ZC3H14: variants seen among roughly 807,000 people sequenced by gnomAD.
ZC3H14 encodes the protein zinc finger CCCH-type containing 14, also known as zinc finger CCCH domain-containing protein 14.
In ZC3H14, 31 loss-of-function variants were observed where a neutral mutation model predicts 92.4. The observed-to-expected ratio is 0.34, with a 90% CI of 0.25 to 0.45. The LOEUF (loss-of-function observed/expected upper bound fraction) is 0.45. Among genes scored for constraint, ZC3H14 ranks in the 20% least tolerant of loss-of-function variants. ZC3H14 has a pLI of 1.00. For synonymous variants in ZC3H14, 321 were observed against 300.9 expected, an observed-to-expected ratio of 1.07 and a Z score of -0.69; for missense variants, 781 against 897.3, an observed-to-expected ratio of 0.87 and a Z score of 1.66.
In ZC3H14 at chr14:88,619,755, C is replaced by G. The variant is rs1462081265; in HGVS notation, c.*8004C>G. On this transcript the variant is annotated 3_prime_UTR_variant, in exon 17 of 17. Transcript: ENST00000251038. ...GAGTGCGATGGCGCAACCTCCGCCTCCCGGGTTCAAGCGATTCTCCTGTTT... is the reference window on the plus strand; with the variant it reads ...GAGTGCGATGGCGCAACCTCCGCCTGCCGGGTTCAAGCGATTCTCCTGTTT... 6.6e-6 allele frequency: 1 copy of G among 152,178 alleles called. No individual in the cohort carries two copies. Among genetic ancestry groups the G allele is most frequent in the Non-Finnish European group, 1.5e-5 (1 of 68,054 alleles). 9.4% of individuals were successfully genotyped at this position (152,178 alleles called of 1,614,324 possible).
chr14:88,607,304 C>T lies in ZC3H14; in HGVS notation c.1809C>T (p.Tyr603=), dbSNP rs756489140. 3.1e-6 allele frequency: 5 copies of T among 1,613,978 alleles called. No homozygotes were observed. Among genetic ancestry groups the T allele is most frequent in the Non-Finnish European group, 4.2e-6 (5 of 1,179,968 alleles). ...AAAAACTTTTGGAGCGCTGCAAGTA[C>T]TGGCCTGCTTGTAAAAATGGGGATG... ...KPEKLLERCK[Y]WPACKNGDEC... The change falls in exon 13 of 17, where the codon TAC becomes TAT. Residue 603 remains tyrosine, a synonymous_variant. Coordinates refer to ENST00000251038, the MANE Select transcript of ZC3H14 (RefSeq NM_024824.5).
intron 4 of ZC3H14, among the ~76,000 whole-genome samples, chr14:88,571,790 T>C (rs2080433345): frequency 6.6e-6 from 1 of 151,844 alleles, no homozygotes; most frequent in African/African-American, 2.4e-5. Context: ...ATGGTGAATC[T>C]CCGTCTCTAC....
intron 2 of ZC3H14, among the ~76,000 whole-genome samples, chr14:88,567,010 T>G (rs2079734793): frequency 6.6e-6 from 1 of 152,050 alleles, no homozygotes; most frequent in Admixed American, 6.5e-5. Flanking sequence ...CTTATCTTCT[T>G]AGTGAGGTTT....
chr14:88,563,266 C>T lies in ZC3H14; in HGVS notation c.36+97C>T, dbSNP rs1166954918. 4 of 1,542,892 alleles carry T rather than the reference C, an allele frequency of 2.6e-6. No homozygotes were observed. In the Admixed American group the frequency reaches 5.9e-5, roughly 23 times the overall value. Reference sequence around the variant, plus strand: ...CTGTGGGCCCGGGTGGACGCCGCGGCCTGGCCTCCGCTGGACGCTCCTGGC... The same window carrying T: ...CTGTGGGCCCGGGTGGACGCCGCGGTCTGGCCTCCGCTGGACGCTCCTGGC... On this transcript the variant is annotated intron_variant, in intron 1 of 16. Coordinates refer to ENST00000251038, the MANE Select transcript of ZC3H14 (RefSeq NM_024824.5).
chr14:88,624,910 C>G lies in ZC3H14; in HGVS notation c.*13159C>G. The G allele has an allele frequency of 6.3e-7, 1 of 1,577,562 alleles. No homozygotes were observed. On this transcript the variant is annotated 3_prime_UTR_variant, in exon 17 of 17. Transcript: ENST00000251038. ...GCCTAGAAACAACTAGAATAATTAA[C>G]TGCAAACCTCAGGTAGGTCACAAAT... is the stretch of plus-strand genomic sequence containing the variant.
At position 88,568,136 on chromosome 14, in the gene ZC3H14, A is replaced by G. The variant is rs1486381370; in HGVS notation, c.177A>G (p.Thr59=). 3 of 1,614,050 alleles carry G rather than the reference A, an allele frequency of 1.9e-6. No homozygotes were observed. The highest frequency in any genetic ancestry group is 2.5e-6 in the Non-Finnish European group (3 of 1,179,914). The change falls in exon 3 of 17, where the codon ACA becomes ACG. Residue 59 remains threonine (T), a synonymous_variant. Coordinates refer to ENST00000251038, the MANE Select transcript of ZC3H14 (RefSeq NM_024824.5). ...TGTCCCTGTTTCTAGGGAACAACAC[A>G]ATTCGATTCACCGTATGGTATGTTT... ...EDLSLFLGNN[T]IRFTVWLHGV...
chr14:88,621,103 CT>C lies in ZC3H14; in HGVS notation c.*9353del, dbSNP rs765799882. 5 of 1,606,640 alleles carry C rather than the reference CT, an allele frequency of 3.1e-6. No homozygotes were observed. In the African/African-American group the frequency reaches 5.4e-5, roughly 17 times the overall value. The stretch of plus-strand genomic sequence containing the variant: ...TTGTAACCTCTTTTAAAAAAATTAT[CT>C]GTACTTACTTTATCAGCAATATCCC... On this transcript the variant is annotated 3_prime_UTR_variant, in exon 17 of 17. Transcript: ENST00000251038.
intron 11 of ZC3H14, among the ~76,000 whole-genome samples, chr14:88,602,356 C>A (rs756177797): frequency 6.6e-6 from 1 of 152,112 alleles, no homozygotes; most frequent in Non-Finnish European, 1.5e-5. Flanking sequence ...TCAGGAAATG[C>A]AAGTTTAAAA....
chr14:88,563,817 A>G (rs1278291820), intron 2 of ZC3H14, 124 bp downstream of exon 2: 1 of 920,140 alleles, frequency 1.1e-6, no homozygotes, highest in Non-Finnish European at 1.8e-6. Context: ...CCTTCTTCAA[A>G]TCTTATACTC....
chr14:88,621,208 C>G lies in ZC3H14; in HGVS notation c.*9457C>G. On this transcript the variant is annotated 3_prime_UTR_variant, in exon 17 of 17. Coordinates refer to ENST00000251038, the MANE Select transcript of ZC3H14 (RefSeq NM_024824.5). ...TGTGTTGCTAGTCCCCAGATTGGCC[C>G]ATCCACATGACCGTTAACTAAAATA... 9 of 1,613,922 alleles carry G rather than the reference C, an allele frequency of 5.6e-6. No individual in the cohort carries two copies. The highest frequency in any genetic ancestry group is 7.6e-6 in the Non-Finnish European group (9 of 1,179,882).
At chr14:88,606,779 CAT>C (rs1247142481) in intron 12 of ZC3H14, among the ~76,000 whole-genome samples, 1 of 144,250 alleles carries the variant, frequency 6.9e-6, no homozygotes, top group Non-Finnish European at 1.5e-5. Context: ...AAGTAAAAGA[CAT>C]TGCTGAGTTT....
At chr14:88,584,315 G>A in intron 9 of ZC3H14, among the ~76,000 whole-genome samples, 1 of 152,154 alleles carries the variant, frequency 6.6e-6, no homozygotes, top group Non-Finnish European at 1.5e-5. Flanking sequence ...GAAAAAACTT[G>A]TAGATAAACT....
At position 88,615,866 on chromosome 14, in the gene ZC3H14, G is replaced by A; in HGVS notation, c.*4115G>A. 5 of 1,609,300 alleles carry A rather than the reference G, an allele frequency of 3.1e-6. No individual in the cohort carries two copies. The highest frequency in any genetic ancestry group is 1.1e-5 in the South Asian group (1 of 89,802). On this transcript the variant is annotated 3_prime_UTR_variant, in exon 17 of 17. Coordinates refer to ENST00000251038, the MANE Select transcript of ZC3H14 (RefSeq NM_024824.5). Reference sequence around the variant, plus strand: ...TCCAGACAAATAAGCTGCAATCAGAGAAGAAAATTGCAGGGAGTTAATTAT... The same window carrying A: ...TCCAGACAAATAAGCTGCAATCAGAAAAGAAAATTGCAGGGAGTTAATTAT...
chr14:88,602,488 G>A (rs529125184), intron 11 of ZC3H14, among the ~76,000 whole-genome samples: 1 of 152,168 alleles, frequency 6.6e-6, no homozygotes, highest in Admixed American at 6.5e-5. Context: ...TAGCATAAAT[G>A]CTGCTGGCCC....
At position 88,624,737 on chromosome 14, in the gene ZC3H14, C is replaced by T; in HGVS notation, c.*12986C>T. The T allele has an allele frequency of 2.1e-6, 1 of 482,960 alleles. No homozygotes were observed. The highest frequency in any genetic ancestry group is 3.7e-6 in the Non-Finnish European group (1 of 273,360). 29.9% of individuals were successfully genotyped at this position (482,960 alleles called of 1,614,324 possible). On this transcript the variant is annotated 3_prime_UTR_variant, in exon 17 of 17. Coordinates refer to ENST00000251038, the MANE Select transcript of ZC3H14 (RefSeq NM_024824.5). Reference sequence around the variant, plus strand: ...AGTAACTCAACTTGTAGGACAACTACCTATCCACACCTCAGAAAAAGTATC... The same window carrying T: ...AGTAACTCAACTTGTAGGACAACTATCTATCCACACCTCAGAAAAAGTATC...
At position 88,622,662 on chromosome 14, in the gene ZC3H14, G is replaced by T. The variant is rs1381537630; in HGVS notation, c.*10911G>T. The T allele has an allele frequency of 6.2e-7, 1 of 1,610,978 alleles. No individual in the cohort carries two copies. On this transcript the variant is annotated 3_prime_UTR_variant, in exon 17 of 17. Coordinates refer to ENST00000251038, the MANE Select transcript of ZC3H14 (RefSeq NM_024824.5). ...GGCTTGTCCTGTCTCAAGCCTGAAG[G>T]CACGGCACCGCCTCAGTTCCTGATC... is the stretch of plus-strand genomic sequence containing the variant.
chr14:88,609,657 TAAAA>T, intron 14 of ZC3H14, 51 bp from the exon 15 acceptor site: 1 of 1,599,390 alleles, frequency 6.3e-7, no homozygotes, highest in Non-Finnish European at 8.6e-7. Context: ...TAGACTGCAT[TAAAA>T]ATGGGTTTTC....
Position 88,620,845 on chromosome 14 carries a change from T to C in ZC3H14, c.*9094T>C. On this transcript the variant is annotated 3_prime_UTR_variant, in exon 17 of 17. Coordinates refer to ENST00000251038, the MANE Select transcript of ZC3H14 (RefSeq NM_024824.5). This position sits in a 1 kb window ranked among gnomAD's most constrained non-coding sequence, Gnocchi z 4.3. ...AAAATGATAAATTCTCCATTTTTCA[T>C]TCCAATAGCCACCATGTCCCCTTCA... 1 of 1,595,862 alleles carries C rather than the reference T, an allele frequency of 6.3e-7. No homozygotes were observed. The highest frequency in any genetic ancestry group is 8.5e-7 in the Non-Finnish European group (1 of 1,170,362).
intron 9 of ZC3H14, among the ~76,000 whole-genome samples, chr14:88,587,349 A>G (rs895530113): frequency 2.6e-5 from 4 of 152,016 alleles, no homozygotes; most frequent in Non-Finnish European, 5.9e-5. Flanking sequence ...AATTTTTAGT[A>G]GAGACAGGGT....
Sources: gnomAD v4.1 joint callset for allele counts (sites outside exome capture counted in the v4.1 genomes callset) on GRCh38, gnomAD v4.1.1 for gene constraint, Gnocchi (gnomAD v3.1) non-coding constraint, MANE v1.5 for transcripts, NCBI Gene and HGNC (gene_info 2026-07-23, HGNC 2026-07-21) for gene names.